CTNNA2: variants seen among roughly 807,000 people sequenced by gnomAD.
The protein encoded by CTNNA2 is catenin alpha-2.
CTNNA2 carries 42 observed loss-of-function variants against 101.0 expected under a neutral mutation model. That is an observed-to-expected ratio of 0.42 (90% CI 0.32 to 0.54). CTNNA2 has a LOEUF of 0.54. Ranked by LOEUF, CTNNA2 falls within the 20% of genes least tolerant of loss-of-function variation. The probability of loss-of-function intolerance (pLI) is 0.14; values close to 1 mark genes in which losing one functional copy is unlikely to be tolerated. For missense variants in CTNNA2, 871 were observed against 1,223.1 expected (o/e 0.71, Z 4.29); for synonymous variants, 450 against 456.4 (o/e 0.99, Z 0.18).
At chr2:79,623,919 A>G (rs1445760511) in intron 1 of CTNNA2, among the ~76,000 whole-genome samples, 1 of 152,172 alleles carries the variant, frequency 6.6e-6, no homozygotes, top group Non-Finnish European at 1.5e-5. Flanking sequence ...ACTCATACTG[A>G]GTAGTAGCTC....
At chr2:79,757,166 C>T (rs536092943) in intron 3 of CTNNA2, among the ~76,000 whole-genome samples, 77 of 152,198 alleles carry the variant, frequency 5.1e-4, no homozygotes, top group African/African-American at 1.8e-3. Context: ...ATGGAAAATT[C>T]GCAAAGATAG....
At chr2:80,022,763 G>A (rs1330692992) in intron 7 of CTNNA2, among the ~76,000 whole-genome samples, 1 of 152,196 alleles carries the variant, frequency 6.6e-6, no homozygotes, top group Admixed American at 6.5e-5. Context: ...TACAGTCTGT[G>A]AGGAGGAAGG....
At chr2:79,746,277 A>G (rs1384463536) in intron 3 of CTNNA2, among the ~76,000 whole-genome samples, 1 of 152,144 alleles carries the variant, frequency 6.6e-6, no homozygotes, top group Non-Finnish European at 1.5e-5. Context: ...TTGTTAAGTT[A>G]TAGGAGTTCT....
intron 7 of CTNNA2, among the ~76,000 whole-genome samples, chr2:79,950,757 T>A (rs1333446781): frequency 6.6e-6 from 1 of 152,178 alleles, no homozygotes; most frequent in Non-Finnish European, 1.5e-5. Context: ...ACAGAGGGGA[T>A]TAGCTTTACA....
At chr2:79,635,537 C>T (rs1293798875) in intron 1 of CTNNA2, among the ~76,000 whole-genome samples, 3 of 151,366 alleles carry the variant, frequency 2.0e-5, no homozygotes, top group Non-Finnish European at 4.4e-5. Flanking sequence ...GAGTTTCACT[C>T]TTGTCGCCCA....
chr2:80,277,607 A>G (rs1674018960), intron 7 of CTNNA2, among the ~76,000 whole-genome samples: 1 of 151,082 alleles, frequency 6.6e-6, no homozygotes. Flanking sequence ...CATGTGTAGA[A>G]ACTGGATCCT....
chr2:80,386,342 C>G (rs964043281), intron 7 of CTNNA2, among the ~76,000 whole-genome samples: 3 of 152,122 alleles, frequency 2.0e-5, no homozygotes, highest in African/African-American at 7.2e-5. Context: ...GAGATACTGC[C>G]TGTTTCTTTT....
At chr2:79,720,597 C>A (rs183079310) in intron 2 of CTNNA2, among the ~76,000 whole-genome samples, 144 of 152,084 alleles carry the variant, frequency 9.5e-4, no homozygotes, top group African/African-American at 3.0e-3. Flanking sequence ...TTGTAGGGAA[C>A]CTTCACCTTC....
At chr2:79,990,134 G>A (rs1439017687) in intron 7 of CTNNA2, among the ~76,000 whole-genome samples, 1 of 152,104 alleles carries the variant, frequency 6.6e-6, no homozygotes, top group African/African-American at 2.4e-5. Context: ...TTAGGGATAG[G>A]ACAACAAGGG....
At chr2:79,897,040 G>A (rs983818941) in intron 6 of CTNNA2, among the ~76,000 whole-genome samples, 27 of 152,102 alleles carry the variant, frequency 1.8e-4, no homozygotes, top group Non-Finnish European at 1.2e-4. Flanking sequence ...GTAGAGGTGA[G>A]ATTATATTTT....
intron 7 of CTNNA2, among the ~76,000 whole-genome samples, chr2:80,128,999 G>A (rs1228427698): frequency 6.6e-6 from 1 of 152,034 alleles, no homozygotes; most frequent in Non-Finnish European, 1.5e-5. Flanking sequence ...AACATCATAT[G>A]ATCTACACTT....
chr2:80,552,931 A>G (rs1692702136), intron 11 of CTNNA2, among the ~76,000 whole-genome samples: 2 of 152,114 alleles, frequency 1.3e-5, no homozygotes, highest in African/African-American at 4.8e-5. Flanking sequence ...AAATTAGTCA[A>G]TTAGGCCGGG....
chr2:79,837,030 A>G (rs1488016714), intron 3 of CTNNA2, among the ~76,000 whole-genome samples: 1 of 152,224 alleles, frequency 6.6e-6, no homozygotes, highest in Non-Finnish European at 1.5e-5. Context: ...ATTGGAAGTT[A>G]GGATTTTGAC....
chr2:79,718,167 A>G (rs796117153), intron 2 of CTNNA2, among the ~76,000 whole-genome samples: 20 of 152,316 alleles, frequency 1.3e-4, no homozygotes, highest in African/African-American at 4.6e-4. Context: ...AGGCAACTAC[A>G]TACTCTGATT....
chr2:80,432,168 A>G (rs1681598076), intron 9 of CTNNA2, among the ~76,000 whole-genome samples: 1 of 152,164 alleles, frequency 6.6e-6, no homozygotes, highest in Non-Finnish European at 1.5e-5. Context: ...CAGGCCCTTG[A>G]ATAACATCGT....
At chr2:80,631,206 C>A (rs139862171) in intron 18 of CTNNA2, among the ~76,000 whole-genome samples, 1 of 152,172 alleles carries the variant, frequency 6.6e-6, no homozygotes, top group Non-Finnish European at 1.5e-5. Context: ...TTAGTAGGTA[C>A]AAGATACTGT....
chr2:80,091,478 G>T (rs1003383773), intron 7 of CTNNA2, among the ~76,000 whole-genome samples: 1 of 152,116 alleles, frequency 6.6e-6, no homozygotes, highest in Non-Finnish European at 1.5e-5. Context: ...GACAGAGAAA[G>T]GTTGTAAAAA....
chr2:80,222,340 A>G (rs966761013), intron 7 of CTNNA2, among the ~76,000 whole-genome samples: 2 of 152,060 alleles, frequency 1.3e-5, no homozygotes, highest in African/African-American at 4.8e-5. Flanking sequence ...TTATCTTATC[A>G]CTTATATTTC....
intron 3 of CTNNA2, among the ~76,000 whole-genome samples, chr2:79,752,173 G>A (rs888576594): frequency 1.3e-5 from 2 of 152,018 alleles, no homozygotes; most frequent in African/African-American, 4.8e-5. Flanking sequence ...ATAGAGAGAG[G>A]AGAACAGAGG....
Sources: gnomAD v4.1 joint callset for allele counts (sites outside exome capture counted in the v4.1 genomes callset) on GRCh38, gnomAD v4.1.1 for gene constraint, MANE v1.5 for transcripts, NCBI Gene and HGNC (gene_info 2026-07-23, HGNC 2026-07-21) for gene names.